ESPNL: variants seen among roughly 807,000 people sequenced by gnomAD.
The protein encoded by ESPNL is espin like.
In ESPNL, 49 loss-of-function variants were observed where a neutral mutation model predicts 46.8. The ratio of observed to expected loss-of-function variants is 1.05; its 90% CI spans 0.83 to 1.33. ESPNL has a LOEUF of 1.33. Ranked by LOEUF, ESPNL falls within the 40% of genes most tolerant of loss-of-function variation. The pLI, the probability that ESPNL is intolerant of heterozygous loss-of-function variation, is 0.00. For missense variants in ESPNL, 1,540 were observed against 1,436.6 expected (o/e 1.07, Z -1.16); for synonymous variants, 664 against 662.1 (o/e 1.00, Z -0.04).
Position 238,127,608 on chromosome 2 carries a change from C to T in ESPNL, c.1103-14C>T. On this transcript the variant is annotated splice_polypyrimidine_tract_variant and intron_variant, in intron 6 of 8. Transcript: ENST00000343063. ...CCCTTGCCCTTTCTGCAACACCCTT[C>T]TTCTTCTTGGCAGCCATGTCCCTCA... The T allele has an allele frequency of 6.3e-7, 1 of 1,590,654 alleles. No individual in the cohort carries two copies. Among genetic ancestry groups the T allele is most frequent in the Non-Finnish European group, 8.6e-7 (1 of 1,168,860 alleles).
In ESPNL at chr2:238,131,080, G is replaced by T. The variant is rs1414849651; in HGVS notation, c.2366G>T (p.Ser789Ile). The change falls in exon 9 of 9, where the codon AGC becomes ATC. Residue 789 changes from serine (S) to isoleucine (I), a missense_variant. Transcript: ENST00000343063. ...ARSPGPPSPP[S>I]EGPRLGHLWQ... ...AGCCCTGGGCCACCCTCCCCGCCCA[G>T]CGAGGGCCCCCGGCTGGGCCACCTG... The T allele has an allele frequency of 6.5e-7, 1 of 1,541,124 alleles. No homozygotes were observed. Among genetic ancestry groups the T allele is most frequent in the Admixed American group, 2.0e-5 (1 of 50,812 alleles).
intron 2 of ESPNL, among the ~76,000 whole-genome samples, chr2:238,103,467 G>GCA (rs1173529832): frequency 2.6e-5 from 4 of 151,724 alleles, no homozygotes; most frequent in Admixed American, 2.0e-4. Context: ...ATGTTAATAT[G>GCA]CACACACACA....
chr2:238,126,324 GTC>G (rs1300235085), intron 6 of ESPNL, among the ~76,000 whole-genome samples: 1 of 149,972 alleles, frequency 6.7e-6, no homozygotes, highest in Non-Finnish European at 1.5e-5. Context: ...GTGTGATTGT[GTC>G]TGTGTGTCTG....
chr2:238,127,768 G>T, intron 7 of ESPNL, 34 bp downstream of exon 7: 1 of 1,554,750 alleles, frequency 6.4e-7, no homozygotes, highest in Non-Finnish European at 8.8e-7. Context: ...CTGTCTCCCG[G>T]GGCCCCTAGC....
At chr2:238,125,427 G>A in intron 6 of ESPNL, 43 bp downstream of exon 6, 7 of 1,236,326 alleles carry the variant, frequency 5.7e-6, no homozygotes, top group Non-Finnish European at 7.6e-6. Context: ...GCATGGGCCT[G>A]GGAGAGGGTG....
rs751081371 is a variant in ESPNL, at chr2:238,100,478, G to A, written c.59G>A (p.Arg20Gln). 23 of 1,601,586 alleles carry A rather than the reference G, an allele frequency of 1.4e-5. No individual in the cohort carries two copies. The highest frequency in any genetic ancestry group is 1.1e-4 in the South Asian group (10 of 88,990). Residue 20 changes from arginine (R) to glutamine (Q), a missense_variant, in exon 1 of 9, where the codon CGG becomes CAG. Coordinates refer to ENST00000343063, the MANE Select transcript of ESPNL (RefSeq NM_194312.4). ...AKDGDVATLE[R>Q]LLEAGALGPG... ...GATGGGGATGTGGCGACGTTGGAGC[G>A]GCTGCTGGAGGCTGGCGCCCTGGGC...
intron 3 of ESPNL, among the ~76,000 whole-genome samples, chr2:238,105,512 CAAAA>C (rs58809990): frequency 6.1e-5 from 6 of 98,000 alleles, no homozygotes; most frequent in Admixed American, 1.1e-4. Flanking sequence ...GACTCTGTCT[CAAAA>C]AAAAAAAAAA....
At chr2:238,126,008 T>C (rs1002381066) in intron 6 of ESPNL, among the ~76,000 whole-genome samples, 22 of 149,372 alleles carry the variant, frequency 1.5e-4, no homozygotes, top group Admixed American at 4.0e-4. Context: ...TGTGTATCTG[T>C]GTATGTTGTG....
chr2:238,104,823 A>C lies in ESPNL; in HGVS notation c.653A>C (p.Tyr218Ser). Residue 218 changes from tyrosine to serine, a missense_variant, in exon 3 of 9, where the codon TAC becomes TCC. Tyr to Ser is a moderately radical substitution (Grantham distance 144). Coordinates refer to ENST00000343063, the MANE Select transcript of ESPNL (RefSeq NM_194312.4). ...CACGCTGCCGCCGCCCGTGGCCACT[A>C]CTCCCTCGTCGTCTGGCTGGTAAGT... ...ALHAAAARGH[Y>S]SLVVWLVTFT... 1.3e-6 allele frequency: 2 copies of C among 1,525,918 alleles called. No homozygotes were observed. The highest frequency in any genetic ancestry group is 1.8e-6 in the Non-Finnish European group (2 of 1,136,486). 94.5% of individuals were successfully genotyped at this position (1,525,918 alleles called of 1,614,324 possible). A position where few individuals can be genotyped will look rare whatever the true frequency, so the allele number is the denominator to read the frequency against.
chr2:238,128,162 C>A (rs1692183996), intron 7 of ESPNL, among the ~76,000 whole-genome samples: 1 of 152,208 alleles, frequency 6.6e-6, no homozygotes, highest in Admixed American at 6.5e-5. Flanking sequence ...CTCTCCCTTT[C>A]CTGGGCGCCG....
intron 3 of ESPNL, among the ~76,000 whole-genome samples, 161 bp from the exon 4 acceptor site, chr2:238,107,630 A>T (rs1691625252): frequency 6.6e-6 from 1 of 152,022 alleles, no homozygotes; most frequent in Non-Finnish European, 1.5e-5. Flanking sequence ...GGTGACGGGG[A>T]CGCACGTGCT....
At chr2:238,107,538 G>A (rs182063659) in intron 3 of ESPNL, among the ~76,000 whole-genome samples, 158 of 150,454 alleles carry the variant, frequency 1.1e-3, no homozygotes, top group African/African-American at 3.5e-3. Flanking sequence ...TTTGCTTTCA[G>A]ATTTGGGACC....
chr2:238,109,408 A>G (rs1010053351), intron 4 of ESPNL, among the ~76,000 whole-genome samples: 1 of 152,252 alleles, frequency 6.6e-6, no homozygotes, highest in Non-Finnish European at 1.5e-5. Context: ...AAAACACACA[A>G]CAGCGTGTCA....
At chr2:238,123,561 T>C (rs1692033645) in intron 5 of ESPNL, among the ~76,000 whole-genome samples, 1 of 152,086 alleles carries the variant, frequency 6.6e-6, no homozygotes, top group South Asian at 2.1e-4. Flanking sequence ...TGTGGACAGT[T>C]AAAGGTTCCG....
intron 6 of ESPNL, chr2:238,127,382 G>C: frequency 7.8e-7 from 1 of 1,285,506 alleles, no homozygotes; most frequent in South Asian, 2.5e-5. Context: ...GGGCCGCGGC[G>C]TGGCCCAGCG....
chr2:238,105,406 G>A (rs747504053), intron 3 of ESPNL, among the ~76,000 whole-genome samples: 74 of 151,770 alleles, frequency 4.9e-4, no homozygotes, highest in African/African-American at 1.5e-3. Flanking sequence ...CCAGCTACTC[G>A]GGAGGCTGAG....
Position 238,130,957 on chromosome 2 carries a change from A to G in ESPNL, c.2243A>G (p.His748Arg). 6.5e-7 allele frequency: 1 copy of G among 1,549,828 alleles called. No individual in the cohort carries two copies. Among genetic ancestry groups the G allele is most frequent in the Non-Finnish European group, 8.7e-7 (1 of 1,147,650 alleles). ...CGCATCATCATGCTCTTCCTCAGCC[A>G]CTGGAGGAGATCGGCCTACACGCCG... The part of the protein sequence containing the change: ...KERIIMLFLS[H>R]WRRSAYTPAL... The change falls in exon 9 of 9, where the codon CAC becomes CGC. Residue 748 changes from histidine (H) to arginine (R), a missense_variant. Transcript: ENST00000343063.
intron 7 of ESPNL, 54 bp downstream of exon 7, chr2:238,127,788 T>A: frequency 7.3e-7 from 1 of 1,367,056 alleles, no homozygotes; most frequent in Non-Finnish European, 1.0e-6. Context: ...CCAGCCTCCA[T>A]TCCCATCCTC....
At chr2:238,127,584 C>G (rs1692168254) in intron 6 of ESPNL, 38 bp from the exon 7 acceptor site, 1 of 1,556,266 alleles carries the variant, frequency 6.4e-7, no homozygotes, top group Admixed American at 1.9e-5. Context: ...GCTCCCCAGC[C>G]CTTGCCCTTT....
Sources: allele counts gnomAD v4.1 joint callset (sites outside exome capture counted in the v4.1 genomes callset), GRCh38; gene constraint gnomAD v4.1.1; transcripts MANE v1.5; gene names NCBI Gene and HGNC (gene_info 2026-07-23, HGNC 2026-07-21).